The following TMEM217 variants were observed in gnomAD, a reference collection of about 807,000 sequenced individuals.
TMEM217 encodes chromosome 6 open reading frame 128.
For synonymous variants in TMEM217, 76 were observed against 88.3 expected (o/e 0.86, Z 0.78); for missense variants, 204 against 248.8 (o/e 0.82, Z 1.21).
chr6:37,246,682 C>T (rs1186622005), intron 1 of TMEM217, among the ~76,000 whole-genome samples: 1 of 152,092 alleles, frequency 6.6e-6, no homozygotes, highest in Non-Finnish European at 1.5e-5. Context: ...GCGGGAGGAT[C>T]ACTTGAGCTC....
chr6:37,245,292 A>G (rs1162287615), intron 1 of TMEM217, among the ~76,000 whole-genome samples: 1 of 152,252 alleles, frequency 6.6e-6, no homozygotes, highest in Non-Finnish European at 1.5e-5. Context: ...GCTAATGAGC[A>G]TTTGACTCCA....
chr6:37,230,004 C>G (rs1764106765), intron 1 of TMEM217, among the ~76,000 whole-genome samples: 1 of 152,184 alleles, frequency 6.6e-6, no homozygotes, highest in Non-Finnish European at 1.5e-5. Flanking sequence ...AGTTTGTTGG[C>G]TGAATTCGTT....
At position 37,218,483 on chromosome 6, in the gene TMEM217, G is replaced by T. The variant is rs770552235; in HGVS notation, c.548C>A (p.Ser183Ter). ...TGAGCCACTGAACCCACTCGAAATT[G>T]ATAATCTTTTATTTCTGCTGTGGAG... Residue 183 changes from serine (S) to a stop codon, truncating the protein, a stop_gained, in exon 2 of 2, where the codon TCA (serine) becomes TAA (stop). Coordinates refer to ENST00000357219, the Ensembl canonical transcript of TMEM217. LOFTEE classifies it high-confidence loss of function. 2 of 1,613,964 alleles carry T rather than the reference G, an allele frequency of 1.2e-6. No homozygotes were observed. Among genetic ancestry groups the T allele is most frequent in the South Asian group, 1.1e-5 (1 of 91,074 alleles).
At chr6:37,212,664 G>A (rs1196813996), downstream of TMEM217, 2 of 579,254 alleles carry the variant, frequency 3.5e-6, no homozygotes, top group Non-Finnish European at 6.5e-6. Flanking sequence ...GCAGGACTAT[G>A]GAGAAGTTGA....
intron 1 of TMEM217, among the ~76,000 whole-genome samples, chr6:37,246,081 C>G (rs1765063626): frequency 6.6e-6 from 1 of 152,106 alleles, no homozygotes; most frequent in Non-Finnish European, 1.5e-5. Flanking sequence ...GGATTACAGG[C>G]GTGAGCCACT....
At chr6:37,226,248 T>A (rs1763819089) in intron 1 of TMEM217, among the ~76,000 whole-genome samples, 1 of 151,106 alleles carries the variant, frequency 6.6e-6, no homozygotes, top group Non-Finnish European at 1.5e-5. Context: ...TTTTTTTGTT[T>A]TGTTTTGTTT....
At chr6:37,221,340 C>T (rs1227789491) in intron 1 of TMEM217, among the ~76,000 whole-genome samples, 3 of 152,166 alleles carry the variant, frequency 2.0e-5, no homozygotes, top group Admixed American at 6.5e-5. Context: ...GAGTGCACCA[C>T]CACACCTGGC....
chr6:37,234,771 A>G (rs1057509558), intron 1 of TMEM217, among the ~76,000 whole-genome samples: 2 of 152,116 alleles, frequency 1.3e-5, no homozygotes, highest in Non-Finnish European at 1.5e-5. Flanking sequence ...CGGTATACAC[A>G]TGTAATTTTG....
intron 1 of TMEM217, among the ~76,000 whole-genome samples, chr6:37,244,465 C>T (rs529295387): frequency 2.0e-4 from 31 of 152,356 alleles, no homozygotes; most frequent in Middle Eastern, 6.8e-3. Context: ...CAACTGCCTC[C>T]AATCCTTGGC....
At chr6:37,218,338 T>A (rs1392141670) in exon 2 of TMEM217, 7 of 1,240,166 alleles carry the variant, frequency 5.6e-6, no homozygotes, top group Non-Finnish European at 7.7e-6. Flanking sequence ...CTGGCTAATT[T>A]TCTATTTTTT....
downstream of TMEM217, among the ~76,000 whole-genome samples, chr6:37,216,166 T>C (rs568876928): frequency 1.6e-3 from 239 of 151,996 alleles, 1 homozygote; most frequent in Admixed American, 5.2e-3. Flanking sequence ...GCAACCTCCA[T>C]CTCCCAAGTT....
intron 1 of TMEM217, among the ~76,000 whole-genome samples, chr6:37,231,136 T>G (rs1764179954): frequency 6.6e-6 from 1 of 151,724 alleles, no homozygotes; most frequent in African/African-American, 2.4e-5. Context: ...CTCTGCTCAC[T>G]GCAACCTCCA....
chr6:37,227,753 T>C (rs910407045), intron 1 of TMEM217, among the ~76,000 whole-genome samples: 1 of 151,838 alleles, frequency 6.6e-6, no homozygotes, highest in African/African-American at 2.4e-5. Flanking sequence ...TCAGCCTAAA[T>C]GTTTATTATT....
chr6:37,220,551 T>A (rs1258262599), intron 1 of TMEM217, among the ~76,000 whole-genome samples: 1 of 152,166 alleles, frequency 6.6e-6, no homozygotes, highest in East Asian at 1.9e-4. Flanking sequence ...TGGCCTTTTT[T>A]TTTTTGTAGA....
intron 1 of TMEM217, among the ~76,000 whole-genome samples, chr6:37,243,891 C>G (rs895718994): frequency 6.6e-6 from 1 of 152,120 alleles, no homozygotes; most frequent in African/African-American, 2.4e-5. Context: ...TGGGGGGGTG[C>G]ACAGGACCGG....
chr6:37,226,331 C>T (rs1487133630), intron 1 of TMEM217, among the ~76,000 whole-genome samples: 2 of 108,002 alleles, frequency 1.9e-5, no homozygotes, highest in East Asian at 3.2e-4. Context: ...CTCGCTCTTT[C>T]GCCCAGGCTG....
chr6:37,246,202 CT>C (rs1583485270), intron 1 of TMEM217, among the ~76,000 whole-genome samples: 1 of 152,196 alleles, frequency 6.6e-6, no homozygotes, highest in East Asian at 1.9e-4. Flanking sequence ...CAGTAATCAG[CT>C]TTTGCCACAA....
chr6:37,244,781 CT>C (rs1169863788), intron 1 of TMEM217, among the ~76,000 whole-genome samples: 1 of 152,182 alleles, frequency 6.6e-6, no homozygotes, highest in Non-Finnish European at 1.5e-5. Flanking sequence ...CTGGGCTGGG[CT>C]GAGCTGAGCT....
chr6:37,241,074 T>A (rs1157878562), intron 1 of TMEM217, among the ~76,000 whole-genome samples: 3 of 151,842 alleles, frequency 2.0e-5, no homozygotes, highest in African/African-American at 7.3e-5. Context: ...TGTGCATGAG[T>A]TCTATATATA....
Sources: gnomAD v4.1 joint callset for allele counts (sites outside exome capture counted in the v4.1 genomes callset) on GRCh38, gnomAD v4.1.1 for gene constraint, MANE v1.5 for transcripts, NCBI Gene and HGNC (gene_info 2026-07-23, HGNC 2026-07-21) for gene names.